SDK1: variants seen among roughly 807,000 people sequenced by gnomAD.
The protein encoded by SDK1 is protein sidekick-1.
In SDK1, 157 loss-of-function variants were observed where a neutral mutation model predicts 245.5. That is an observed-to-expected ratio of 0.64 (90% CI 0.56 to 0.73). SDK1 has a LOEUF of 0.73. Ranked by LOEUF, SDK1 falls within the 30% of genes least tolerant of loss-of-function variation. SDK1 has a pLI of 0.00. For missense variants in SDK1, 3,583 were observed against 3,002.3 expected (o/e 1.19, Z -4.52); for synonymous variants, 1,647 against 1,278.5 (o/e 1.29, Z -6.15).
At chr7:4,086,724 G>C (rs925824872) in intron 22 of SDK1, among the ~76,000 whole-genome samples, 4 of 152,054 alleles carry the variant, frequency 2.6e-5, no homozygotes, top group African/African-American at 7.2e-5. Context: ...CCTGATGTAA[G>C]GTTCTTACCC....
intron 5 of SDK1, among the ~76,000 whole-genome samples, chr7:3,923,904 G>A (rs896443534): frequency 2.0e-5 from 3 of 152,138 alleles, no homozygotes; most frequent in Admixed American, 2.0e-4. Context: ...ATTTCAGGTT[G>A]GGCAGCCTCT....
At chr7:3,852,769 AAAAAAAAT>A (rs1283181374) in intron 5 of SDK1, among the ~76,000 whole-genome samples, 3 of 151,396 alleles carry the variant, frequency 2.0e-5, no homozygotes, top group Non-Finnish European at 4.4e-5. Context: ...AAAAAAAAAA[AAAAAAAAT>A]TTTTTTCCTT....
In SDK1 at chr7:3,971,463, C is replaced by G. The variant is rs1358874968; in HGVS notation, c.1715-3C>G. On this transcript the variant is annotated splice_region_variant and splice_polypyrimidine_tract_variant and intron_variant, in intron 11 of 44. Transcript: ENST00000404826. ...TCTGACTCGTGACTTGTGTTTTTTT[C>G]AGATCGGACGTCCATCGTCCACCCT... 1 of 1,606,696 alleles carries G rather than the reference C, an allele frequency of 6.2e-7. No individual in the cohort carries two copies. Among genetic ancestry groups the G allele is most frequent in the African/African-American group, 1.3e-5 (1 of 74,936 alleles).
intron 16 of SDK1, among the ~76,000 whole-genome samples, chr7:4,015,341 C>T (rs1786312019): frequency 6.6e-6 from 1 of 152,182 alleles, no homozygotes; most frequent in Non-Finnish European, 1.5e-5. Flanking sequence ...TAAACGGCAT[C>T]CTCATTCTGT....
At chr7:4,016,873 C>T (rs1320713557) in intron 16 of SDK1, among the ~76,000 whole-genome samples, 14 of 152,164 alleles carry the variant, frequency 9.2e-5, no homozygotes, top group African/African-American at 2.4e-4. Flanking sequence ...TGGAATTTTT[C>T]GTCCTAAGTC....
Position 3,400,614 on chromosome 7 carries a change from T to G in SDK1, c.298+98730T>G, listed in dbSNP as rs549657113. Among the ~76,000 whole-genome samples the G allele has an allele frequency of 1.3e-4, 20 of 152,252 alleles. No individual in the cohort carries two copies. In the South Asian group the frequency reaches 3.9e-3, roughly 30 times the overall value. On this transcript the variant is annotated intron_variant, in intron 1 of 44. Transcript: ENST00000404826. ...AACTATAAAAAGTAAAGTACAGGAT[T>G]CTGGATAGTGGTTACCTCAGATGGT...
intron 1 of SDK1, among the ~76,000 whole-genome samples, chr7:3,617,490 G>T (rs894462725): frequency 7.9e-5 from 12 of 152,234 alleles, no homozygotes; most frequent in African/African-American, 2.7e-4. Context: ...CAAGTGGGAA[G>T]GCCCCACAGT....
chr7:3,644,549 C>T (rs968926338), intron 4 of SDK1, among the ~76,000 whole-genome samples: 8 of 151,022 alleles, frequency 5.3e-5, no homozygotes, highest in African/African-American at 1.9e-4. Flanking sequence ...GAGTTTAAAG[C>T]AATCTGGAGT....
chr7:3,616,612 T>G (rs987071458), intron 1 of SDK1, among the ~76,000 whole-genome samples: 1 of 152,204 alleles, frequency 6.6e-6, no homozygotes, highest in African/African-American at 2.4e-5. Flanking sequence ...ATAGATGCAA[T>G]TTAATATTTA....
chr7:4,161,665 C>T lies in SDK1; in HGVS notation c.4730-121C>T, dbSNP rs915526801. 3.9e-6 allele frequency: 3 copies of T among 759,722 alleles called. No homozygotes were observed. The Admixed American group carries it at 6.1e-5, about 15-fold the overall frequency. 47.1% of individuals were successfully genotyped at this position (759,722 alleles called of 1,614,324 possible). ...CGAGGAAGGGCAGGAGAAGGGGACCCCTGGAGAAGGAAGGAGGCAGGGCTC... is the reference window on the plus strand; with the variant it reads ...CGAGGAAGGGCAGGAGAAGGGGACCTCTGGAGAAGGAAGGAGGCAGGGCTC... On this transcript the variant is annotated intron_variant, in intron 31 of 44. Transcript: ENST00000404826.
chr7:3,822,461 C>T (rs2115061588), intron 5 of SDK1, among the ~76,000 whole-genome samples: 1 of 152,154 alleles, frequency 6.6e-6, no homozygotes, highest in Non-Finnish European at 1.5e-5. Context: ...AATCGTTTCC[C>T]CTGCAAGTGA....
intron 22 of SDK1, among the ~76,000 whole-genome samples, chr7:4,081,473 G>A (rs1359193563): frequency 3.3e-5 from 5 of 151,438 alleles, no homozygotes; most frequent in Non-Finnish European, 5.9e-5. Context: ...AAGCTGGAGT[G>A]CAGTGGCGCC....
chr7:4,249,194 T>C (rs991347057), intron 44 of SDK1, among the ~76,000 whole-genome samples: 15 of 152,164 alleles, frequency 9.9e-5, no homozygotes, highest in Non-Finnish European at 2.2e-4. Context: ...GAGGGTGTTA[T>C]CATCCTTATG....
At chr7:3,452,471 A>T (rs779363336) in intron 1 of SDK1, among the ~76,000 whole-genome samples, 1 of 152,226 alleles carries the variant, frequency 6.6e-6, no homozygotes, top group Admixed American at 6.5e-5. Context: ...AGGTAACCTT[A>T]TAATTAGTAT....
At chr7:3,418,368 A>G (rs1463821624) in intron 1 of SDK1, among the ~76,000 whole-genome samples, 1 of 152,150 alleles carries the variant, frequency 6.6e-6, no homozygotes, top group African/African-American at 2.4e-5. Context: ...CTCAATGGGT[A>G]GTGAACAGAA....
At chr7:4,020,910 A>G (rs764107164) in intron 17 of SDK1, among the ~76,000 whole-genome samples, 15 of 152,226 alleles carry the variant, frequency 9.9e-5, no homozygotes, top group Non-Finnish European at 2.2e-4. Context: ...CTTTCAAAAC[A>G]AGGAGACATC....
chr7:4,215,997 T>A (rs1190484960), intron 38 of SDK1, among the ~76,000 whole-genome samples: 2 of 152,132 alleles, frequency 1.3e-5, no homozygotes, highest in Admixed American at 1.3e-4. Flanking sequence ...CCATCCCCGT[T>A]CCTGCATTCT....
chr7:3,330,089 C>T (rs1780032045), intron 1 of SDK1, among the ~76,000 whole-genome samples: 1 of 151,796 alleles, frequency 6.6e-6, no homozygotes, highest in Non-Finnish European at 1.5e-5. Flanking sequence ...CTTTTTTTTC[C>T]CATTTACCAG....
intron 1 of SDK1, among the ~76,000 whole-genome samples, chr7:3,352,372 T>C (rs928983399): frequency 3.3e-5 from 5 of 152,016 alleles, no homozygotes; most frequent in African/African-American, 1.2e-4. Context: ...AGGAAAGTAA[T>C]TGTTTGAGCT....
Sources: allele counts gnomAD v4.1 joint callset (sites outside exome capture counted in the v4.1 genomes callset), GRCh38; gene constraint gnomAD v4.1.1; transcripts MANE v1.5; gene names NCBI Gene and HGNC (gene_info 2026-07-23, HGNC 2026-07-21).